TSHZ3: variants seen among roughly 807,000 people sequenced by gnomAD.
TSHZ3 encodes the protein teashirt homolog 3.
Under a neutral mutation model 64.5 loss-of-function variants are expected in TSHZ3, and 10 were observed. That is an observed-to-expected ratio of 0.16 (90% CI 0.10 to 0.26). The LOEUF is 0.26. Among genes scored for constraint, TSHZ3 ranks in the 10% least tolerant of loss-of-function variants. The pLI is 1.00. For missense variants in TSHZ3, 1,242 were observed against 1,421.7 expected (o/e 0.87, Z 2.03); for synonymous variants, 608 against 593.1 (o/e 1.03, Z -0.36).
At chr19:31,253,914 T>C (rs1975874628) in intron 1 of TSHZ3, among the ~76,000 whole-genome samples, 1 of 152,090 alleles carries the variant, frequency 6.6e-6, no homozygotes, top group South Asian at 2.1e-4. Flanking sequence ...GACAGTGCAA[T>C]CTCAAAATTA....
At chr19:31,248,085 T>C (rs1975781868) in intron 1 of TSHZ3, among the ~76,000 whole-genome samples, 2 of 151,974 alleles carry the variant, frequency 1.3e-5, no homozygotes, top group Non-Finnish European at 2.9e-5. Context: ...TATAAAACCA[T>C]CAGATCTCGT....
At chr19:31,158,009 G>T (rs540234130) in intron 5 of TSHZ3, among the ~76,000 whole-genome samples, 3 of 152,318 alleles carry the variant, frequency 2.0e-5, no homozygotes, top group East Asian at 1.9e-4. Context: ...GAGGGCTAAA[G>T]TTCAGGCAGA....
intron 4 of TSHZ3, among the ~76,000 whole-genome samples, chr19:31,205,089 G>GT (rs1306016411): frequency 6.6e-6 from 1 of 152,142 alleles, no homozygotes; most frequent in African/African-American, 2.4e-5. Context: ...CTGCAGAGGT[G>GT]TAGGAGATGA....
intron 1 of TSHZ3, among the ~76,000 whole-genome samples, chr19:31,280,809 A>T (rs1047834576): frequency 3.3e-5 from 5 of 152,242 alleles, no homozygotes; most frequent in African/African-American, 1.2e-4. Context: ...ACGTCCAGAG[A>T]CACAGAGCCC....
intron 4 of TSHZ3, among the ~76,000 whole-genome samples, chr19:31,226,973 C>CTTTTTTTTTTTTT (rs1255178594): frequency 2.9e-5 from 2 of 68,158 alleles, no homozygotes; most frequent in African/African-American, 9.0e-5. Flanking sequence ...TTCTTTCTTT[C>CTTTTTTTTTTTTT]TTTCTTTTTT....
chr19:31,318,934 T>C (rs924574026), intron 1 of TSHZ3, among the ~76,000 whole-genome samples: 11 of 152,220 alleles, frequency 7.2e-5, no homozygotes, highest in African/African-American at 2.7e-4. Context: ...TGGTGCCTCC[T>C]CATGGGCTCC....
intron 1 of TSHZ3, among the ~76,000 whole-genome samples, chr19:31,301,097 T>G (rs1976748500): frequency 6.6e-6 from 1 of 152,016 alleles, no homozygotes; most frequent in Non-Finnish European, 1.5e-5. Flanking sequence ...TTAAAAATCG[T>G]TTTTTCCCCC....
chr19:31,349,368 C>T lies in TSHZ3; in HGVS notation c.-149G>A, dbSNP rs1316570406. ...AGCGGCCGCCCGCAGGATGCTGCTGCGCCCAGGCTCTCCGCGTCCCCCCCG... is the reference window on the plus strand; with the variant it reads ...AGCGGCCGCCCGCAGGATGCTGCTGTGCCCAGGCTCTCCGCGTCCCCCCCG... On this transcript the variant is annotated 5_prime_UTR_variant, in exon 1 of 2. Transcript: ENST00000240587. 3.4e-6 allele frequency: 2 copies of T among 592,346 alleles called. No homozygotes were observed. The highest frequency in any genetic ancestry group is 5.1e-6 in the Non-Finnish European group (2 of 392,630). The allele number at this position is 592,346 out of a possible 1,614,324, so 36.7% of individuals were successfully genotyped here. A position where few individuals can be genotyped will look rare whatever the true frequency, so the allele number is the denominator to read the frequency against.
intron 1 of TSHZ3, among the ~76,000 whole-genome samples, chr19:31,288,829 C>T (rs1417643341): frequency 1.3e-5 from 2 of 152,314 alleles, no homozygotes; most frequent in South Asian, 2.1e-4. Flanking sequence ...GCTTGAGCCA[C>T]GGAGCCAGGC....
chr19:31,179,152 G>A (rs1338125323), intron 5 of TSHZ3, among the ~76,000 whole-genome samples: 2 of 152,026 alleles, frequency 1.3e-5, no homozygotes, highest in African/African-American at 4.8e-5. Context: ...ATGGGGAAAG[G>A]GACTAACAGA....
At chr19:31,250,094 A>G (rs779780635) in intron 1 of TSHZ3, among the ~76,000 whole-genome samples, 5 of 152,214 alleles carry the variant, frequency 3.3e-5, no homozygotes, top group African/African-American at 4.8e-5. Context: ...TGTCGAGTGA[A>G]CACATGGACA....
intron 1 of TSHZ3, 87 bp downstream of exon 1, chr19:31,349,093 C>CGAGGAGCGGGGTCGCGCCCGCTG: frequency 6.8e-7 from 1 of 1,472,456 alleles, no homozygotes; most frequent in Non-Finnish European, 9.1e-7. Context: ...AAGAGCGGGG[C>CGAGGAGCGGGGTCGCGCCCGCTG]GAGGAGCGGG....
chr19:31,327,067 T>C (rs1412142689), intron 1 of TSHZ3, among the ~76,000 whole-genome samples: 4 of 152,118 alleles, frequency 2.6e-5, no homozygotes, highest in Non-Finnish European at 5.9e-5. Context: ...AGGCAGCAGC[T>C]TTCTGTTTCA....
chr19:31,333,672 G>A (rs1917161914), intron 1 of TSHZ3, among the ~76,000 whole-genome samples: 2 of 151,986 alleles, frequency 1.3e-5, no homozygotes, highest in South Asian at 2.1e-4. Flanking sequence ...GATGGGGCCC[G>A]GGGGACTTTA....
At chr19:31,240,280 A>C (rs910289819) in intron 3 of TSHZ3, among the ~76,000 whole-genome samples, 2 of 152,176 alleles carry the variant, frequency 1.3e-5, no homozygotes, top group Non-Finnish European at 2.9e-5. Context: ...ATCTATCAAT[A>C]TTTATATTAG....
At chr19:31,338,885 C>T (rs1052888749) in intron 1 of TSHZ3, among the ~76,000 whole-genome samples, 2 of 149,984 alleles carry the variant, frequency 1.3e-5, no homozygotes, top group Non-Finnish European at 3.0e-5. Context: ...ATTGCACATG[C>T]GAGGGTTTGT....
chr19:31,174,322 A>G (rs917694444), intron 5 of TSHZ3, among the ~76,000 whole-genome samples: 1 of 152,254 alleles, frequency 6.6e-6, no homozygotes, highest in African/African-American at 2.4e-5. Flanking sequence ...TCCCACCTCC[A>G]TCAGTCCATC....
intron 1 of TSHZ3, 37 bp downstream of exon 1, chr19:31,349,143 G>A: frequency 6.5e-7 from 1 of 1,537,708 alleles, no homozygotes; most frequent in Non-Finnish European, 8.8e-7. Flanking sequence ...GGAGGAAGAG[G>A]AGGAGGAGAG....
chr19:31,348,568 T>G (rs1314305342), intron 1 of TSHZ3, among the ~76,000 whole-genome samples: 69 of 130,506 alleles, frequency 5.3e-4, no homozygotes, highest in African/African-American at 9.8e-4. Context: ...AAGGAGGGGG[T>G]GGGGGCGAGG....
Sources: gnomAD v4.1 joint callset for allele counts (sites outside exome capture counted in the v4.1 genomes callset) on GRCh38, gnomAD v4.1.1 for gene constraint, MANE v1.5 for transcripts, NCBI Gene and HGNC (gene_info 2026-07-23, HGNC 2026-07-21) for gene names.